ABTB2: variants seen among roughly 807,000 people sequenced by gnomAD.
ABTB2 encodes ankyrin repeat and BTB/POZ domain-containing protein 2.
In ABTB2, 56 loss-of-function variants were observed where a neutral mutation model predicts 104.1. That is an observed-to-expected ratio of 0.54 (90% CI 0.43 to 0.67). The LOEUF (loss-of-function observed/expected upper bound fraction) is 0.67. Ranked by LOEUF, ABTB2 falls within the 30% of genes least tolerant of loss-of-function variation. The probability of loss-of-function intolerance (pLI) is 0.00; values close to 1 mark genes in which losing one functional copy is unlikely to be tolerated. For synonymous variants in ABTB2, 606 were observed against 608.2 expected (o/e 1.00, Z 0.05); for missense variants, 1,279 against 1,407.7 (o/e 0.91, Z 1.46).
chr11:34,231,616 G>A (rs766827949), intron 1 of ABTB2, among the ~76,000 whole-genome samples: 34 of 152,276 alleles, frequency 2.2e-4, no homozygotes, highest in African/African-American at 4.1e-4. Context: ...AGTCGCCCAG[G>A]CTGGAGTGCA....
At chr11:34,352,604 G>A (rs771226413) in intron 1 of ABTB2, among the ~76,000 whole-genome samples, 4 of 152,196 alleles carry the variant, frequency 2.6e-5, no homozygotes, top group Non-Finnish European at 4.4e-5. Flanking sequence ...TATTTATTGA[G>A]CATTTACTAT....
At chr11:34,227,718 G>T (rs2473899) in intron 1 of ABTB2, among the ~76,000 whole-genome samples, 2 of 152,144 alleles carry the variant, frequency 1.3e-5, no homozygotes, top group Non-Finnish European at 2.9e-5. Context: ...TGTGGTAATT[G>T]TAACTTTTTT....
chr11:34,323,715 C>T (rs1008369577), intron 1 of ABTB2, among the ~76,000 whole-genome samples: 2 of 152,170 alleles, frequency 1.3e-5, no homozygotes, highest in Non-Finnish European at 2.9e-5. Flanking sequence ...GTAGAACAAT[C>T]TCCATGAGAA....
At chr11:34,161,549 A>G (rs1334927743) in intron 10 of ABTB2, among the ~76,000 whole-genome samples, 1 of 152,202 alleles carries the variant, frequency 6.6e-6, no homozygotes, top group East Asian at 1.9e-4. Flanking sequence ...AAGGACACAC[A>G]GGCCTCCTTG....
chr11:34,265,344 C>A (rs1178447815), intron 1 of ABTB2, among the ~76,000 whole-genome samples: 3 of 152,186 alleles, frequency 2.0e-5, no homozygotes, highest in African/African-American at 4.8e-5. Flanking sequence ...CAGTTCTCAG[C>A]CCAAGAGCTG....
intron 14 of ABTB2, among the ~76,000 whole-genome samples, chr11:34,158,573 TCAG>T (rs1254119429): frequency 6.6e-6 from 1 of 152,056 alleles, no homozygotes; most frequent in East Asian, 1.9e-4. Flanking sequence ...CCCATAAGGG[TCAG>T]CTCTTGCAGC....
chr11:34,204,784 C>T, intron 1 of ABTB2, 94 bp from the exon 2 acceptor site: 1 of 1,374,618 alleles, frequency 7.3e-7, no homozygotes, highest in Non-Finnish European at 9.8e-7. Context: ...CCCTGCTCCC[C>T]TGCTCTTGAC....
chr11:34,344,920 T>A lies in ABTB2; in HGVS notation c.883+11781A>T, dbSNP rs569085890. On this transcript the variant is annotated intron_variant, in intron 1 of 16. Transcript: ENST00000435224. The stretch of plus-strand genomic sequence containing the variant: ...ACTTCAGTCAATGGCCACTCCCTCC[T>A]TCCAGGGCTCAGACCATAGCAACTT... 2.6e-5 allele frequency among the ~76,000 whole-genome samples: 4 copies of A among 152,286 alleles called. No individual in the cohort carries two copies. The South Asian group carries it at 8.3e-4, about 32-fold the overall frequency.
intron 10 of ABTB2, among the ~76,000 whole-genome samples, chr11:34,161,678 A>G (rs1852722938): frequency 6.6e-6 from 1 of 152,282 alleles, no homozygotes. Context: ...GTTCCCCAGC[A>G]TGTGTCAGTG....
rs1305095491 is a variant in ABTB2, at chr11:34,357,377, G to GTTGTGGCGGCTGTTGT, written c.206_207insACAACAGCCGCCACAA (p.Asp69GlufsTer94). On this transcript the variant is annotated frameshift_variant, in exon 1 of 17. Coordinates refer to ENST00000435224, the MANE Select transcript of ABTB2 (RefSeq NM_145804.3). LOFTEE classifies it high-confidence loss of function. ...CCTCGGGCAGCACCGTGTTCACCGT[G>GTTGTGGCGGCTGTTGT]TCCCAGCTGTTGTGGCGGCTGTTCA... 1 of 1,543,788 alleles carries GTTGTGGCGGCTGTTGT rather than the reference G, an allele frequency of 6.5e-7. No individual in the cohort carries two copies. Among genetic ancestry groups the GTTGTGGCGGCTGTTGT allele is most frequent in the African/African-American group, 1.4e-5 (1 of 72,868 alleles).
chr11:34,341,272 C>A (rs1162395252), intron 1 of ABTB2, among the ~76,000 whole-genome samples: 1 of 152,196 alleles, frequency 6.6e-6, no homozygotes, highest in Admixed American at 6.5e-5. Context: ...GGCCACGCAG[C>A]TTGGAAATGA....
intron 1 of ABTB2, among the ~76,000 whole-genome samples, chr11:34,279,731 G>A (rs1043318480): frequency 6.6e-6 from 1 of 150,800 alleles, no homozygotes; most frequent in Admixed American, 6.6e-5. Flanking sequence ...CACTCACAGA[G>A]AAAATAACTT....
rs1852590827 is a variant in ABTB2, at chr11:34,154,369, C to A, written c.2776G>T (p.Ala926Ser). 6.2e-7 allele frequency: 1 copy of A among 1,611,856 alleles called. No individual in the cohort carries two copies. The highest frequency in any genetic ancestry group is 1.7e-5 in the Admixed American group (1 of 59,898). ...PTTDILELLSAASLFQLDALQ... is the reference protein window; with the variant it reads ...PTTDILELLSSASLFQLDALQ... ...GCATCCAGCTGGAACAGGCTGGCAG[C>A]TGACAGCAGCTGGTAGGGAGGCAGA... The change falls in exon 16 of 17, where the codon GCT becomes TCT. Residue 926 changes from alanine (A) to serine (S), a missense_variant. Transcript: ENST00000435224. The surrounding 1 kb of genome is among the most constrained non-coding windows in gnomAD (Gnocchi z 4.9).
At chr11:34,158,750 C>T (rs963266472) in intron 14 of ABTB2, among the ~76,000 whole-genome samples, 9 of 152,234 alleles carry the variant, frequency 5.9e-5, no homozygotes, top group South Asian at 2.1e-4. Context: ...GCTTAAAGCC[C>T]GAAAGACCTG....
chr11:34,234,273 C>A (rs1048916396), intron 1 of ABTB2, among the ~76,000 whole-genome samples: 1 of 152,184 alleles, frequency 6.6e-6, no homozygotes, highest in Non-Finnish European at 1.5e-5. Flanking sequence ...TATTTGCAGA[C>A]ACCTTACTCA....
chr11:34,297,787 A>C lies in ABTB2; in HGVS notation c.883+58914T>G, dbSNP rs1337046492. Among the ~76,000 whole-genome samples, 6 of 97,524 alleles carry C rather than the reference A, an allele frequency of 6.2e-5. 1 individual carries two copies. The highest frequency in any genetic ancestry group is 2.9e-4 in the South Asian group (1 of 3,410). 64.0% of individuals were successfully genotyped at this position (97,524 alleles called of 152,430 possible). On this transcript the variant is annotated intron_variant, in intron 1 of 16. Transcript: ENST00000435224. ...ATCTCAAAAAAAAAAAAAAAAAATA[A>C]AAATAAAGGAAAGAAAAAGAAAAAA... is the stretch of plus-strand genomic sequence containing the variant.
At chr11:34,265,615 G>A (rs1854238214) in intron 1 of ABTB2, among the ~76,000 whole-genome samples, 1 of 137,296 alleles carries the variant, frequency 7.3e-6, no homozygotes, top group Non-Finnish European at 1.5e-5. Flanking sequence ...CCGAGATCAT[G>A]CCATTGCACT....
intron 1 of ABTB2, chr11:34,335,396 C>G: frequency 3.6e-6 from 3 of 822,578 alleles, no homozygotes; most frequent in Non-Finnish European, 6.4e-6. Context: ...CATTGATGAA[C>G]TTTTCTAAGA....
chr11:34,356,454 C>T lies in ABTB2; in HGVS notation c.883+247G>A, dbSNP rs146254471. 2.8e-3 allele frequency among the ~76,000 whole-genome samples: 433 copies of T among 152,288 alleles called. 3 individuals are homozygous for T. The highest frequency in any genetic ancestry group is 9.8e-3 in the African/African-American group (407 of 41,538). ...CAATCTCACCCAATCAATGAACAGC[C>T]CGCAGATAGTAACAATGCCACGCAG... is the stretch of plus-strand genomic sequence containing the variant. On this transcript the variant is annotated intron_variant, in intron 1 of 16. Coordinates refer to ENST00000435224, the MANE Select transcript of ABTB2 (RefSeq NM_145804.3). The surrounding 1 kb of genome is among the most constrained non-coding windows in gnomAD (Gnocchi z 4.6).
Sources: allele counts gnomAD v4.1 joint callset (sites outside exome capture counted in the v4.1 genomes callset), GRCh38; gene constraint gnomAD v4.1.1; non-coding constraint Gnocchi (gnomAD v3.1); transcripts MANE v1.5; gene names NCBI Gene and HGNC (gene_info 2026-07-23, HGNC 2026-07-21).